The following AGTPBP1 variants were observed in gnomAD, a reference collection of about 807,000 sequenced individuals.
AGTPBP1 encodes the protein cytosolic carboxypeptidase 1.
AGTPBP1 carries 70 observed loss-of-function variants against 143.9 expected under a neutral mutation model. That is an observed-to-expected ratio of 0.49 (90% CI 0.40 to 0.59). The LOEUF (loss-of-function observed/expected upper bound fraction) is 0.59. Ranked by LOEUF, AGTPBP1 falls within the 20% of genes least tolerant of loss-of-function variation. The pLI is 0.00. For missense variants in AGTPBP1, 1,229 were observed against 1,464.5 expected, an observed-to-expected ratio of 0.84 and a Z score of 2.62; for synonymous variants, 463 against 500.2, an observed-to-expected ratio of 0.93 and a Z score of 0.99.
At chr9:85,595,993 T>A (rs1442726715) in intron 18 of AGTPBP1, among the ~76,000 whole-genome samples, 1 of 152,116 alleles carries the variant, frequency 6.6e-6, no homozygotes, top group Non-Finnish European at 1.5e-5. Flanking sequence ...AAGATAAGAG[T>A]TATACTTGAT....
the AGTPBP1 span, among the ~76,000 whole-genome samples, chr9:85,763,477 G>C: frequency 6.6e-6 from 1 of 151,694 alleles, no homozygotes; most frequent in South Asian, 2.1e-4. Context: ...TGTTGGAGAA[G>C]AATTAGTATA....
In AGTPBP1 at chr9:85,642,836, A is replaced by G. The variant is rs781250692; in HGVS notation, c.1293T>C (p.Asp431=). 6.2e-7 allele frequency: 1 copy of G among 1,604,736 alleles called. No individual in the cohort carries two copies. Among genetic ancestry groups the G allele is most frequent in the South Asian group, 1.1e-5 (1 of 88,264 alleles). Residue 431 remains aspartate (D), a synonymous_variant, in exon 13 of 26, where the codon GAT becomes GAC. Coordinates refer to ENST00000357081, the MANE Select transcript of AGTPBP1 (RefSeq NM_001330701.2). ...MYEHLFPELV[D]DFQDYDLISK... Reference sequence around the variant, plus strand: ...TTTTCTATATTTATACCTGAAAATCATCAACAAGCTCAGGGAAAAGGTGTT... The same window carrying G: ...TTTTCTATATTTATACCTGAAAATCGTCAACAAGCTCAGGGAAAAGGTGTT...
chr9:85,615,347 A>G (rs1052607866), intron 17 of AGTPBP1, among the ~76,000 whole-genome samples: 2 of 152,154 alleles, frequency 1.3e-5, no homozygotes, highest in African/African-American at 4.8e-5. Flanking sequence ...TCAGAAACAT[A>G]TATGTAAACA....
chr9:85,646,934 CT>C (rs1488263847), intron 11 of AGTPBP1, among the ~76,000 whole-genome samples: 4 of 150,968 alleles, frequency 2.6e-5, no homozygotes, highest in Non-Finnish European at 5.9e-5. Context: ...AGCTGGTGTG[CT>C]TAAAAAAAAA....
chr9:85,696,683 T>A (rs1836267781), intron 2 of AGTPBP1, among the ~76,000 whole-genome samples: 7 of 151,716 alleles, frequency 4.6e-5, no homozygotes, highest in Admixed American at 4.6e-4. Flanking sequence ...AAAAAAAGTA[T>A]CAATCCACAT....
At chr9:85,625,178 G>C (rs540709158) in intron 14 of AGTPBP1, among the ~76,000 whole-genome samples, 1 of 152,338 alleles carries the variant, frequency 6.6e-6, no homozygotes, top group Admixed American at 6.5e-5. Context: ...CCAGATGTGG[G>C]ACTGACATGT....
chr9:85,579,793 A>T (rs1383597576), intron 23 of AGTPBP1, among the ~76,000 whole-genome samples: 1 of 150,464 alleles, frequency 6.6e-6, no homozygotes, highest in Non-Finnish European at 1.5e-5. Flanking sequence ...AAGATTGATC[A>T]TTCATTAAAT....
the AGTPBP1 span, chr9:85,786,604 T>C: frequency 1.3e-6 from 2 of 1,584,390 alleles, no homozygotes; most frequent in South Asian, 2.3e-5. Context: ...GAACTTTTAG[T>C]AGATATGTAA....
chr9:85,741,847 A>G lies in AGTPBP1; in HGVS notation c.-106T>C. On this transcript the variant is annotated 5_prime_UTR_variant, in exon 1 of 26. Transcript: ENST00000357081. ...CGGCTCAGCACCTGGATCACGGCGG[A>G]TCCCTCGCCGCCCGCCGCCCGGTGT... The G allele has an allele frequency of 7.1e-7, 1 of 1,400,940 alleles. No individual in the cohort carries two copies. The highest frequency in any genetic ancestry group is 9.3e-7 in the Non-Finnish European group (1 of 1,078,908). The allele number at this position is 1,400,940 out of a possible 1,614,324, so 86.8% of individuals were successfully genotyped here.
chr9:85,646,494 C>T (rs1015337552), intron 11 of AGTPBP1, 76 bp from the exon 12 acceptor site: 4 of 994,212 alleles, frequency 4.0e-6, no homozygotes, highest in Admixed American at 3.9e-5. Flanking sequence ...TAGAATGTGA[C>T]TTATATAAAG....
At position 85,547,259 on chromosome 9, in the gene AGTPBP1, A is replaced by G; in HGVS notation, c.3531T>C (p.Asp1177=). The stretch of plus-strand genomic sequence containing the variant: ...CAACTTCTTCAAGGAATCGAGGTTC[A>G]TCTTCATCCAAGACATAAGTGGTAG... ...TSPTTYVLDE[D]EPRFLEEVDY... is the part of the protein sequence containing the mutation. Residue 1177 remains aspartate, a synonymous_variant, in exon 26 of 26, where the codon GAT becomes GAC. Coordinates refer to ENST00000357081, the MANE Select transcript of AGTPBP1 (RefSeq NM_001330701.2). The G allele has an allele frequency of 6.2e-7, 1 of 1,612,548 alleles. No homozygotes were observed.
intron 14 of AGTPBP1, among the ~76,000 whole-genome samples, chr9:85,630,340 T>A (rs967709102): frequency 2.0e-5 from 3 of 152,090 alleles, no homozygotes; most frequent in African/African-American, 7.2e-5. Flanking sequence ...CTCACCTCTA[T>A]CCCCCAGGAT....
Position 85,679,416 on chromosome 9 carries a change from C to CT in AGTPBP1, c.226-1019dup, listed in dbSNP as rs1021939581. On this transcript the variant is annotated intron_variant, in intron 4 of 25. Coordinates refer to ENST00000357081, the MANE Select transcript of AGTPBP1 (RefSeq NM_001330701.2). ...CCTAAATGAAGAAGTTCTTTTTTTTCTTTTTTTTTGAGACGGAGTCTCGCT... is the reference window on the plus strand; with the variant it reads ...CCTAAATGAAGAAGTTCTTTTTTTTCTTTTTTTTTTGAGACGGAGTCTCGCT... 1.9e-4 allele frequency among the ~76,000 whole-genome samples: 28 copies of CT among 148,396 alleles called. No individual in the cohort carries two copies. In the South Asian group the frequency reaches 3.2e-3, roughly 17 times the overall value.
At chr9:85,596,236 A>G in intron 18 of AGTPBP1, 126 bp downstream of exon 18, 1 of 637,234 alleles carries the variant, frequency 1.6e-6, no homozygotes, top group Admixed American at 3.4e-5. Context: ...TAGAATTACT[A>G]AAGCATAGCA....
chr9:85,695,551 A>G (rs1271241254), intron 2 of AGTPBP1, among the ~76,000 whole-genome samples: 1 of 152,200 alleles, frequency 6.6e-6, no homozygotes, highest in Non-Finnish European at 1.5e-5. Flanking sequence ...AGTGACACCA[A>G]ACTGTTCTAA....
At chr9:85,702,765 A>T (rs1391853010) in intron 2 of AGTPBP1, among the ~76,000 whole-genome samples, 3 of 152,062 alleles carry the variant, frequency 2.0e-5, no homozygotes, top group African/African-American at 7.3e-5. Flanking sequence ...GTGAAGGAAG[A>T]CCAGGGTAGC....
At chr9:85,681,078 T>C (rs563465846) in intron 4 of AGTPBP1, among the ~76,000 whole-genome samples, 190 bp downstream of exon 4, 11 of 152,300 alleles carry the variant, frequency 7.2e-5, no homozygotes, top group African/African-American at 2.4e-4. Context: ...AAATAGTATT[T>C]TAAAAACCTA....
intron 23 of AGTPBP1, among the ~76,000 whole-genome samples, chr9:85,584,242 ACT>A (rs942899852): frequency 9.9e-5 from 15 of 151,148 alleles, no homozygotes; most frequent in Non-Finnish European, 1.8e-4. Context: ...ACCTAATAAA[ACT>A]CTATTTTCTG....
Position 85,692,828 on chromosome 9 carries a change from G to A in AGTPBP1, c.33-15C>T, listed in dbSNP as rs1209198909. On this transcript the variant is annotated splice_polypyrimidine_tract_variant and intron_variant, in intron 2 of 25. Transcript: ENST00000357081. ...TATTGGTAAGGCTAAAAAGAACGTA[G>A]AATGTTAGGGCACATTCTAAATCAA... 3.7e-6 allele frequency: 6 copies of A among 1,611,276 alleles called. No individual in the cohort carries two copies. Among genetic ancestry groups the A allele is most frequent in the Admixed American group, 3.4e-5 (2 of 59,592 alleles).
Sources: allele counts gnomAD v4.1 joint callset (sites outside exome capture counted in the v4.1 genomes callset), GRCh38; gene constraint gnomAD v4.1.1; transcripts MANE v1.5; gene names NCBI Gene and HGNC (gene_info 2026-07-23, HGNC 2026-07-21).